Variants in AAK1 observed in about 807,000 individuals in gnomAD.
AAK1 encodes the protein AP2 associated kinase 1.
AAK1 carries 37 observed loss-of-function variants against 116.0 expected under a neutral mutation model. The observed-to-expected ratio is 0.32, with a 90% CI of 0.25 to 0.42. The LOEUF (loss-of-function observed/expected upper bound fraction) is 0.42, where lower values mean the gene tolerates loss of function less well. AAK1 is among the 10% of genes least tolerant of loss of function. AAK1 has a pLI of 1.00. For synonymous variants in AAK1, 458 were observed against 439.9 expected (o/e 1.04, Z -0.51); for missense variants, 919 against 1,170.6 (o/e 0.79, Z 3.14).
rs753574692 is a variant in AAK1, at chr2:69,466,346, G to C, written c.*9523C>G. 1.1e-5 allele frequency: 14 copies of C among 1,289,818 alleles called. 1 individual carries two copies. In the South Asian group the frequency reaches 1.7e-4, roughly 16 times the overall value. The allele number at this position is 1,289,818 out of a possible 1,614,324, so 79.9% of individuals were successfully genotyped here. On this transcript the variant is annotated 3_prime_UTR_variant, in exon 22 of 22. Coordinates refer to ENST00000409085, the MANE Select transcript of AAK1 (RefSeq NM_014911.5). The stretch of plus-strand genomic sequence containing the variant: ...TGCAGTCCAGCATGTCTCCTTCAAG[G>C]TCAGTCCCTTCCTCTTCGCTGCTGT...
At chr2:69,537,042 G>A (rs187723384) in intron 5 of AAK1, among the ~76,000 whole-genome samples, 12 of 152,162 alleles carry the variant, frequency 7.9e-5, no homozygotes, top group African/African-American at 2.4e-4. Flanking sequence ...AGAATAAAAC[G>A]GGAGTGAAAA....
intron 10 of AAK1, among the ~76,000 whole-genome samples, chr2:69,521,664 T>C (rs1312640777): frequency 6.6e-6 from 1 of 152,242 alleles, no homozygotes; most frequent in Admixed American, 6.5e-5. Flanking sequence ...CCAGTCTCTT[T>C]TGAAAACAGG....
chr2:69,611,760 G>A (rs1674091471), intron 2 of AAK1, among the ~76,000 whole-genome samples: 1 of 152,172 alleles, frequency 6.6e-6, no homozygotes, highest in Non-Finnish European at 1.5e-5. Context: ...TCCATCAACA[G>A]ATGAATGGAT....
chr2:69,635,262 C>A (rs1309966382), intron 2 of AAK1, among the ~76,000 whole-genome samples: 1 of 152,170 alleles, frequency 6.6e-6, no homozygotes, highest in Non-Finnish European at 1.5e-5. Context: ...ACCTCACATC[C>A]ATTAGGATAG....
At chr2:69,477,580 T>C (rs1020630232) in intron 20 of AAK1, among the ~76,000 whole-genome samples, 1 of 151,614 alleles carries the variant, frequency 6.6e-6, no homozygotes, top group African/African-American at 2.4e-5. Context: ...TTTGTTAGAA[T>C]AGTCTTCTCC....
rs888627790 is a variant in AAK1, at chr2:69,458,378, G to A, written c.*17491C>T. 6.6e-6 allele frequency: 1 copy of A among 152,598 alleles called. No individual in the cohort carries two copies. Among genetic ancestry groups the A allele is most frequent in the African/African-American group, 2.4e-5 (1 of 41,428 alleles). 9.5% of individuals were successfully genotyped at this position (152,598 alleles called of 1,614,324 possible). On this transcript the variant is annotated 3_prime_UTR_variant, in exon 22 of 22. Transcript: ENST00000409085. ...TATCTCCTAACAAATGACATTAAAT[G>A]TTCCCTCATTCAAAACATCTTGTGG...
chr2:69,547,221 A>G lies in AAK1; in HGVS notation c.283-2677T>C, dbSNP rs114088767. Reference sequence around the variant, plus strand: ...TAGATGAGGCAATGGGTTCTTAGATATGACACTTAAAGCTCAAGCAATCAA... The same window carrying G: ...TAGATGAGGCAATGGGTTCTTAGATGTGACACTTAAAGCTCAAGCAATCAA... On this transcript the variant is annotated intron_variant, in intron 3 of 21. Coordinates refer to ENST00000409085, the MANE Select transcript of AAK1 (RefSeq NM_014911.5). Among the ~76,000 whole-genome samples, 941 of 152,342 alleles carry G rather than the reference A, an allele frequency of 6.2e-3. 5 individuals carry two copies. Among genetic ancestry groups the G allele is most frequent in the African/African-American group, 0.022 (909 of 41,554 alleles).
chr2:69,534,141 C>T (rs989840075), intron 5 of AAK1, among the ~76,000 whole-genome samples: 1 of 152,204 alleles, frequency 6.6e-6, no homozygotes, highest in Non-Finnish European at 1.5e-5. Context: ...GATTATCCCA[C>T]TACATCCTCA....
At chr2:69,579,256 C>A (rs1293565632) in intron 2 of AAK1, among the ~76,000 whole-genome samples, 1 of 152,152 alleles carries the variant, frequency 6.6e-6, no homozygotes. Context: ...GTGACAGCTA[C>A]TGAGCACTTT....
intron 17 of AAK1, among the ~76,000 whole-genome samples, chr2:69,488,566 G>A (rs929125874): frequency 5.3e-5 from 8 of 152,120 alleles, no homozygotes; most frequent in African/African-American, 4.8e-5. Flanking sequence ...GAATTAATGC[G>A]TGTGTATAAA....
chr2:69,545,961 T>C, intron 3 of AAK1, among the ~76,000 whole-genome samples: 1 of 151,966 alleles, frequency 6.6e-6, no homozygotes, highest in South Asian at 2.1e-4. Flanking sequence ...GGGAGAAAAC[T>C]GAGCACCAGA....
chr2:69,509,216 G>A lies in AAK1; in HGVS notation c.2006+15C>T. On this transcript the variant is annotated intron_variant, in intron 14 of 21. Coordinates refer to ENST00000409085, the MANE Select transcript of AAK1 (RefSeq NM_014911.5). Reference sequence around the variant, plus strand: ...CCCACAGAGGTAAGAACAACAAAGAGGAAGCACCACATACTTGGACTTATT... The same window carrying A: ...CCCACAGAGGTAAGAACAACAAAGAAGAAGCACCACATACTTGGACTTATT... 6.2e-7 allele frequency: 1 copy of A among 1,612,110 alleles called. No individual in the cohort carries two copies. Among genetic ancestry groups the A allele is most frequent in the Middle Eastern group, 1.7e-4 (1 of 6,054 alleles).
chr2:69,543,724 C>T (rs530030950), intron 4 of AAK1, among the ~76,000 whole-genome samples: 38 of 152,058 alleles, frequency 2.5e-4, no homozygotes, highest in Non-Finnish European at 4.3e-4. Flanking sequence ...GTATCTTAAG[C>T]GTAAGGAAAA....
At chr2:69,621,186 G>C (rs1674606625) in intron 2 of AAK1, among the ~76,000 whole-genome samples, 1 of 152,218 alleles carries the variant, frequency 6.6e-6, no homozygotes, top group South Asian at 2.1e-4. Context: ...AGTGGTAGGA[G>C]TAAAGGCAAT....
At chr2:69,617,430 T>C (rs767104460) in intron 2 of AAK1, among the ~76,000 whole-genome samples, 2 of 152,202 alleles carry the variant, frequency 1.3e-5, no homozygotes, top group Non-Finnish European at 2.9e-5. Context: ...AGTTTCTCCT[T>C]TGCAAGATCT....
chr2:69,468,891 C>A lies in AAK1; in HGVS notation c.*6978G>T. ...GTCGAGAACCCATTTGGAAAACCTT[C>A]CAACTCAGAGCATATTCTATGACCT... On this transcript the variant is annotated 3_prime_UTR_variant, in exon 22 of 22. Transcript: ENST00000409085. The A allele has an allele frequency of 3.0e-6, 3 of 985,366 alleles. No homozygotes were observed. Among genetic ancestry groups the A allele is most frequent in the Non-Finnish European group, 3.6e-6 (3 of 829,920 alleles). The allele number at this position is 985,366 out of a possible 1,614,324, so 61.0% of individuals were successfully genotyped here. A position where few individuals can be genotyped will look rare whatever the true frequency, so the allele number is the denominator to read the frequency against.
At chr2:69,526,166 C>A (rs1670016585) in intron 9 of AAK1, among the ~76,000 whole-genome samples, 1 of 152,112 alleles carries the variant, frequency 6.6e-6, no homozygotes, top group Non-Finnish European at 1.5e-5. Flanking sequence ...AGAGCTGGTC[C>A]CCCAGGAATC....
At chr2:69,602,521 G>A (rs905608768) in intron 2 of AAK1, among the ~76,000 whole-genome samples, 12 of 151,916 alleles carry the variant, frequency 7.9e-5, no homozygotes, top group Admixed American at 2.6e-4. Flanking sequence ...ATTAACCATC[G>A]GTGAATCTGG....
intron 17 of AAK1, among the ~76,000 whole-genome samples, chr2:69,488,889 T>C (rs552256380): frequency 2.0e-5 from 3 of 152,176 alleles, no homozygotes; most frequent in Non-Finnish European, 4.4e-5. Context: ...AGTTCTCTTA[T>C]GGACAAAATG....
Sources: gnomAD v4.1 joint callset for allele counts (sites outside exome capture counted in the v4.1 genomes callset) on GRCh38, gnomAD v4.1.1 for gene constraint, MANE v1.5 for transcripts, NCBI Gene and HGNC (gene_info 2026-07-23, HGNC 2026-07-21) for gene names.